PLCG1: variants seen among roughly 807,000 people sequenced by gnomAD.
The protein encoded by PLCG1 is phospholipase C gamma 1, also known as 1-phosphatidylinositol 4,5-bisphosphate phosphodiesterase gamma-1.
PLCG1 carries 71 observed loss-of-function variants against 177.8 expected under a neutral mutation model. That is an observed-to-expected ratio of 0.40 (90% CI 0.33 to 0.49). The LOEUF (loss-of-function observed/expected upper bound fraction) is 0.49, where lower values mean the gene tolerates loss of function less well. Ranked by LOEUF, PLCG1 falls within the 20% of genes least tolerant of loss-of-function variation. PLCG1 has a pLI of 0.72. For synonymous variants in PLCG1, 658 were observed against 647.9 expected (o/e 1.02, Z -0.24); for missense variants, 1,281 against 1,709.0 (o/e 0.75, Z 4.42).
intron 20 of PLCG1, 128 bp from the exon 21 acceptor site, chr20:41,168,639 G>A: frequency 1.6e-6 from 1 of 643,766 alleles, no homozygotes; most frequent in South Asian, 1.7e-5. Flanking sequence ...GTTGATGGCA[G>A]TGTCATCTCC....
chr20:41,172,893 C>T lies in PLCG1; in HGVS notation c.3279+16C>T, dbSNP rs1443908101. 1 of 1,611,906 alleles carries T rather than the reference C, an allele frequency of 6.2e-7. No homozygotes were observed. Among genetic ancestry groups the T allele is most frequent in the Admixed American group, 1.7e-5 (1 of 59,876 alleles). ...CTCTATTGAGGTGGGTGCTGCTCAT[C>T]TGGGCTTCAGGGTAGGAAAGGGGCT... On this transcript the variant is annotated intron_variant, in intron 27 of 31. Transcript: ENST00000685551. This position sits in a 1 kb window ranked among gnomAD's most constrained non-coding sequence, Gnocchi z 7.0.
rs2036083979 is a variant in PLCG1, at chr20:41,177,057, A to T, written c.*2548A>T. On this transcript the variant is annotated 3_prime_UTR_variant, in exon 32 of 32. Coordinates refer to ENST00000685551, the MANE Select transcript of PLCG1 (RefSeq NM_002660.3). ...TGATTTAAATGAGTAACAAGGGTTGAAAAACCCTGATTTTGGCAGCACAAA... is the reference window on the plus strand; with the variant it reads ...TGATTTAAATGAGTAACAAGGGTTGTAAAACCCTGATTTTGGCAGCACAAA... 1 of 152,266 alleles carries T rather than the reference A, an allele frequency of 6.6e-6. No individual in the cohort carries two copies. Among genetic ancestry groups the T allele is most frequent in the African/African-American group, 2.4e-5 (1 of 41,470 alleles). 9.4% of individuals were successfully genotyped at this position (152,266 alleles called of 1,614,324 possible).
intron 21 of PLCG1, 40 bp downstream of exon 21, chr20:41,168,910 C>A: frequency 1.4e-6 from 2 of 1,428,152 alleles, no homozygotes; most frequent in East Asian, 2.3e-5. Flanking sequence ...CCAAGGGCCC[C>A]AGTGGAGCTG....
intron 1 of PLCG1, among the ~76,000 whole-genome samples, chr20:41,139,798 G>A (rs2034758538): frequency 6.6e-6 from 1 of 152,194 alleles, no homozygotes; most frequent in African/African-American, 2.4e-5. Context: ...TGAAGGTGCA[G>A]GAAGGGAGGA....
In PLCG1 at chr20:41,144,335, G is replaced by A. The variant is rs765036035; in HGVS notation, c.217+6477G>A. Among the ~76,000 whole-genome samples, 53 of 152,166 alleles carry A rather than the reference G, an allele frequency of 3.5e-4. 1 individual carries two copies. Among genetic ancestry groups the A allele is most frequent in the Non-Finnish European group, 6.8e-4 (46 of 68,034 alleles). On this transcript the variant is annotated intron_variant, in intron 1 of 31. Transcript: ENST00000685551. This position sits in a 1 kb window ranked among gnomAD's most constrained non-coding sequence, Gnocchi z 4.1. ...GATGGACCGTTCTATAGGAACAGAGGGTTATTTTGTTTTGTTTTGTTTTTC... is the reference window on the plus strand; with the variant it reads ...GATGGACCGTTCTATAGGAACAGAGAGTTATTTTGTTTTGTTTTGTTTTTC...
At chr20:41,143,961 G>A (rs1050761590) in intron 1 of PLCG1, among the ~76,000 whole-genome samples, 2 of 152,150 alleles carry the variant, frequency 1.3e-5, no homozygotes, top group African/African-American at 4.8e-5. Context: ...CCACCACTAA[G>A]CTCGGCCACA....
rs1474656159 is a variant in PLCG1 at position 41,173,126 on chromosome 20, G to T, written c.3279+249G>T. Reference sequence around the variant, plus strand: ...CTGATGAGATCTTTTTTTTCCCTAAGGGGAGGTCATTTAAAAGATTTCTGT... The same window carrying T: ...CTGATGAGATCTTTTTTTTCCCTAATGGGAGGTCATTTAAAAGATTTCTGT... On this transcript the variant is annotated intron_variant, in intron 27 of 31. Coordinates refer to ENST00000685551, the MANE Select transcript of PLCG1 (RefSeq NM_002660.3). This position sits in a 1 kb window ranked among gnomAD's most constrained non-coding sequence, Gnocchi z 6.2. Among the ~76,000 whole-genome samples, 4 of 152,098 alleles carry T rather than the reference G, an allele frequency of 2.6e-5. No individual in the cohort carries two copies. Among genetic ancestry groups the T allele is most frequent in the Non-Finnish European group, 5.9e-5 (4 of 68,004 alleles).
chr20:41,173,564 A>C lies in PLCG1; in HGVS notation c.3394+30A>C, dbSNP rs371157056. ...GTCTGTCTTCCCAGTCATCCTCCTC[A>C]TCCTGCTGGGGCACTGCAAGCCTCT... On this transcript the variant is annotated intron_variant, in intron 28 of 31. Coordinates refer to ENST00000685551, the MANE Select transcript of PLCG1 (RefSeq NM_002660.3). The surrounding 1 kb of genome is among the most constrained non-coding windows in gnomAD (Gnocchi z 6.2). The C allele has an allele frequency of 3.7e-5, 60 of 1,613,824 alleles. No individual in the cohort carries two copies. Among genetic ancestry groups the C allele is most frequent in the Non-Finnish European group, 4.8e-5 (57 of 1,179,962 alleles).
In PLCG1 at chr20:41,165,108, TGGCG is replaced by T; in HGVS notation, c.1386+11_1386+14del. The T allele has an allele frequency of 1.2e-6, 2 of 1,610,438 alleles. No homozygotes were observed. Among genetic ancestry groups the T allele is most frequent in the Non-Finnish European group, 1.7e-6 (2 of 1,177,492 alleles). On this transcript the variant is annotated splice_region_variant and intron_variant, in intron 13 of 31. Transcript: ENST00000685551. The surrounding 1 kb of genome is among the most constrained non-coding windows in gnomAD (Gnocchi z 6.6). ...GAGGAAGATCCTCATCAAGGTGGGG[TGGCG>T]GGCTTATTGCGGAAGCCCCACACTT...
At position 41,174,063 on chromosome 20, in the gene PLCG1, C is replaced by T. The variant is rs538055488; in HGVS notation, c.3645+52C>T. ...TGGGGTAGGTGGGAGGAGAGCCAGG[C>T]AGCAGCCTCTAGAAGTGCAGAGGAG... is the stretch of plus-strand genomic sequence containing the variant. On this transcript the variant is annotated intron_variant, in intron 30 of 31. Coordinates refer to ENST00000685551, the MANE Select transcript of PLCG1 (RefSeq NM_002660.3). This position sits in a 1 kb window ranked among gnomAD's most constrained non-coding sequence, Gnocchi z 5.8. 6.2e-7 allele frequency: 1 copy of T among 1,605,120 alleles called. No homozygotes were observed. The highest frequency in any genetic ancestry group is 2.2e-5 in the East Asian group (1 of 44,852).
At chr20:41,155,061 G>A (rs1281658775) in intron 1 of PLCG1, among the ~76,000 whole-genome samples, 1 of 152,210 alleles carries the variant, frequency 6.6e-6, no homozygotes, top group South Asian at 2.1e-4. Flanking sequence ...GTCTGTCCCT[G>A]GGCTGAGAAG....
At position 41,137,610 on chromosome 20, in the gene PLCG1, C is replaced by T. The variant is rs2034639166; in HGVS notation, c.-32C>T. 1.5e-6 allele frequency: 2 copies of T among 1,296,036 alleles called. No homozygotes were observed. The highest frequency in any genetic ancestry group is 6.5e-5 in the East Asian group (2 of 30,940). The allele number at this position is 1,296,036 out of a possible 1,614,324, so 80.3% of individuals were successfully genotyped here. ...TGCGCTTGCTCCCGGGCGGTCCTGG[C>T]CTGTGCCGCCGCCGCCCCCAGCGTC... On this transcript the variant is annotated 5_prime_UTR_variant, in exon 1 of 32. Transcript: ENST00000685551. The surrounding 1 kb of genome is among the most constrained non-coding windows in gnomAD (Gnocchi z 7.3).
Position 41,137,630 on chromosome 20 carries a change from A to C in PLCG1, c.-12A>C. 1.5e-6 allele frequency: 2 copies of C among 1,316,214 alleles called. No homozygotes were observed. The highest frequency in any genetic ancestry group is 1.9e-6 in the Non-Finnish European group (2 of 1,031,268). The allele number at this position is 1,316,214 out of a possible 1,614,324, so 81.5% of individuals were successfully genotyped here. A position where few individuals can be genotyped will look rare whatever the true frequency, so the allele number is the denominator to read the frequency against. Reference sequence around the variant, plus strand: ...CCTGGCCTGTGCCGCCGCCGCCCCCAGCGTCGGAGCCATGGCGGGCGCCGC... The same window carrying C: ...CCTGGCCTGTGCCGCCGCCGCCCCCCGCGTCGGAGCCATGGCGGGCGCCGC... On this transcript the variant is annotated 5_prime_UTR_variant, in exon 1 of 32. Transcript: ENST00000685551. This position sits in a 1 kb window ranked among gnomAD's most constrained non-coding sequence, Gnocchi z 7.3.
chr20:41,152,733 T>C (rs1294434453), intron 1 of PLCG1, among the ~76,000 whole-genome samples: 1 of 152,260 alleles, frequency 6.6e-6, no homozygotes, highest in Non-Finnish European at 1.5e-5. Flanking sequence ...GAGTCAAATG[T>C]GGTTTCTTCC....
chr20:41,165,447 C>T lies in PLCG1; in HGVS notation c.1510-3C>T, dbSNP rs766613495. On this transcript the variant is annotated splice_region_variant and splice_polypyrimidine_tract_variant and intron_variant, in intron 14 of 31. Coordinates refer to ENST00000685551, the MANE Select transcript of PLCG1 (RefSeq NM_002660.3). The surrounding 1 kb of genome is among the most constrained non-coding windows in gnomAD (Gnocchi z 6.6). ...TCACAAGTCCCTCTTTGGTCTGTTC[C>T]AGGAATGGTATCCCCACTACTTTGT... 22 of 1,613,862 alleles carry T rather than the reference C, an allele frequency of 1.4e-5. No individual in the cohort carries two copies. The highest frequency in any genetic ancestry group is 2.2e-5 in the South Asian group (2 of 91,078).
intron 1 of PLCG1, among the ~76,000 whole-genome samples, chr20:41,139,552 C>T (rs533759796): frequency 6.6e-6 from 1 of 152,286 alleles, no homozygotes; most frequent in African/African-American, 2.4e-5. Context: ...AGTTACTTAC[C>T]TTCTCTGAGC....
Position 41,146,336 on chromosome 20 carries a change from G to C in PLCG1, c.217+8478G>C, listed in dbSNP as rs1234042038. On this transcript the variant is annotated intron_variant, in intron 1 of 31. Coordinates refer to ENST00000685551, the MANE Select transcript of PLCG1 (RefSeq NM_002660.3). The surrounding 1 kb of genome is among the most constrained non-coding windows in gnomAD (Gnocchi z 6.3). ...AGACAGCTGTGCCTAAAGTGCTGTA[G>C]GCTGGGCCTGAGGGCCAAGATGGAA... is the stretch of plus-strand genomic sequence containing the variant. Among the ~76,000 whole-genome samples, 1 of 152,242 alleles carries C rather than the reference G, an allele frequency of 6.6e-6. No individual in the cohort carries two copies. Among genetic ancestry groups the C allele is most frequent in the Non-Finnish European group, 1.5e-5 (1 of 68,042 alleles).
chr20:41,141,802 T>C (rs2034838483), intron 1 of PLCG1, among the ~76,000 whole-genome samples: 1 of 152,212 alleles, frequency 6.6e-6, no homozygotes, highest in African/African-American at 2.4e-5. Flanking sequence ...GAAAAGGGCC[T>C]GCTTCACAGA....
At position 41,159,333 on chromosome 20, in the gene PLCG1, C is replaced by T. The variant is rs1308411418; in HGVS notation, c.218-273C>T. Among the ~76,000 whole-genome samples, 1 of 152,122 alleles carries T rather than the reference C, an allele frequency of 6.6e-6. No homozygotes were observed. On this transcript the variant is annotated intron_variant, in intron 1 of 31. Coordinates refer to ENST00000685551, the MANE Select transcript of PLCG1 (RefSeq NM_002660.3). This position sits in a 1 kb window ranked among gnomAD's most constrained non-coding sequence, Gnocchi z 6.0. ...CTAGCTCTTTTGCAGGTCAAAATGT[C>T]TCAGTGAGGGAACAAAGATAGGGAA... is the stretch of plus-strand genomic sequence containing the variant.
Sources: allele counts gnomAD v4.1 joint callset (sites outside exome capture counted in the v4.1 genomes callset), GRCh38; gene constraint gnomAD v4.1.1; non-coding constraint Gnocchi (gnomAD v3.1); transcripts MANE v1.5; gene names NCBI Gene and HGNC (gene_info 2026-07-23, HGNC 2026-07-21).